RAP1GAP2: variants seen among roughly 807,000 people sequenced by gnomAD.
The protein encoded by RAP1GAP2 is RAP1 GTPase activating protein 2, also known as rap1 GTPase-activating protein 2.
In RAP1GAP2, 27 loss-of-function variants were observed where a neutral mutation model predicts 95.0. The ratio of observed to expected loss-of-function variants is 0.28; its 90% CI spans 0.21 to 0.39. The LOEUF (loss-of-function observed/expected upper bound fraction) is 0.39, where lower values mean the gene tolerates loss of function less well. Ranked by LOEUF, RAP1GAP2 falls within the 10% of genes least tolerant of loss-of-function variation. The probability of loss-of-function intolerance (pLI) is 1.00; values close to 1 mark genes in which losing one functional copy is unlikely to be tolerated. For missense variants in RAP1GAP2, 771 were observed against 970.0 expected (o/e 0.79, Z 2.72); for synonymous variants, 373 against 380.9 (o/e 0.98, Z 0.24).
At chr17:2,776,166 A>G (rs1171283647), upstream of RAP1GAP2, among the ~76,000 whole-genome samples, 5 of 148,204 alleles carry the variant, frequency 3.4e-5, no homozygotes. Context: ...GGGACAGAGC[A>G]AGACTCTGTC....
intron 2 of RAP1GAP2, among the ~76,000 whole-genome samples, chr17:2,801,038 C>A (rs1338461024): frequency 1.1e-4 from 17 of 150,732 alleles, no homozygotes; most frequent in Admixed American, 1.1e-3. Flanking sequence ...TTAGTAGAGA[C>A]GGAGTTTCAC....
At chr17:2,838,045 G>A (rs1247713576) in intron 2 of RAP1GAP2, among the ~76,000 whole-genome samples, 3 of 116,546 alleles carry the variant, frequency 2.6e-5, no homozygotes, top group Admixed American at 1.0e-4. Context: ...TTGAGACAGA[G>A]TCTCGCCTTA....
At chr17:2,800,107 A>C in intron 1 of RAP1GAP2, 1 of 799,332 alleles carries the variant, frequency 1.3e-6, no homozygotes, top group Non-Finnish European at 1.5e-6. Flanking sequence ...CCTGGCATTC[A>C]GATTGACATC....
intron 3 of RAP1GAP2, among the ~76,000 whole-genome samples, chr17:2,954,231 A>G (rs1270992898): frequency 6.6e-6 from 1 of 151,786 alleles, no homozygotes; most frequent in African/African-American, 2.4e-5. Flanking sequence ...CAGCCTCCTG[A>G]GTAGCTGGGA....
chr17:2,994,962 C>T (rs1394068832), intron 12 of RAP1GAP2, among the ~76,000 whole-genome samples: 2 of 151,526 alleles, frequency 1.3e-5, no homozygotes, highest in Admixed American at 1.3e-4. Flanking sequence ...TATAGGCATG[C>T]ACCACCATAT....
chr17:2,956,550 C>G (rs1208351668), intron 3 of RAP1GAP2, among the ~76,000 whole-genome samples: 1 of 152,214 alleles, frequency 6.6e-6, no homozygotes, highest in Non-Finnish European at 1.5e-5. Context: ...TTCCTCATCC[C>G]TGCTTTCTTT....
In RAP1GAP2 at chr17:3,014,856, C is replaced by T. The variant is rs539299340; in HGVS notation, c.1495-3205C>T. ...ACAGGCGTGAGCCATCGCCCCTGGC[C>T]GAGATGCTGAGATTTATGGAGCACT... On this transcript the variant is annotated intron_variant, in intron 17 of 24. Transcript: ENST00000254695. 2.0e-5 allele frequency among the ~76,000 whole-genome samples: 3 copies of T among 152,220 alleles called. No individual in the cohort carries two copies. The South Asian group carries it at 6.2e-4, about 32-fold the overall frequency.
Position 2,844,564 on chromosome 17 carries a change from G to A in RAP1GAP2, c.80+44014G>A, listed in dbSNP as rs572454627. 1.2e-4 allele frequency among the ~76,000 whole-genome samples: 18 copies of A among 152,306 alleles called. No homozygotes were observed. The South Asian group carries it at 3.7e-3, about 32-fold the overall frequency. ...CTGCAGTTGCTCAGCAGGAGGTTTGGAGCTCAGCTCCCGGCTGGGTGAAGC... is the reference window on the plus strand; with the variant it reads ...CTGCAGTTGCTCAGCAGGAGGTTTGAAGCTCAGCTCCCGGCTGGGTGAAGC... On this transcript the variant is annotated intron_variant, in intron 2 of 24. Transcript: ENST00000254695.
At chr17:2,977,919 C>T (rs1383866147) in intron 8 of RAP1GAP2, among the ~76,000 whole-genome samples, 1 of 152,078 alleles carries the variant, frequency 6.6e-6, no homozygotes, top group Non-Finnish European at 1.5e-5. Flanking sequence ...GTAGTCTCCT[C>T]ATATTCATGG....
intron 8 of RAP1GAP2, among the ~76,000 whole-genome samples, chr17:2,969,389 A>G (rs1213581958): frequency 1.3e-5 from 2 of 151,870 alleles, no homozygotes; most frequent in Non-Finnish European, 2.9e-5. Context: ...CCAACAAACA[A>G]AAACCAAAAC....
chr17:2,981,062 A>C (rs920792980), intron 9 of RAP1GAP2, 133 bp from the exon 10 acceptor site: 2 of 717,440 alleles, frequency 2.8e-6, no homozygotes, highest in African/African-American at 3.5e-5. Flanking sequence ...AGTGAGCAGC[A>C]GTCAGAATCC....
intron 2 of RAP1GAP2, among the ~76,000 whole-genome samples, chr17:2,900,367 C>A (rs72819279): frequency 5.3e-5 from 8 of 151,484 alleles, no homozygotes; most frequent in African/African-American, 9.7e-5. Context: ...GAGTTATAAT[C>A]ATCATCATCA....
chr17:2,837,138 A>C (rs975540405), intron 2 of RAP1GAP2, among the ~76,000 whole-genome samples: 2 of 151,714 alleles, frequency 1.3e-5, no homozygotes, highest in African/African-American at 4.9e-5. Flanking sequence ...GTAGTCCTAG[A>C]CACCCAGGAG....
Position 2,796,971 on chromosome 17 carries a change from A to G in RAP1GAP2, c.44+400A>G, listed in dbSNP as rs550166700. On this transcript the variant is annotated intron_variant, in intron 1 of 24. Transcript: ENST00000254695. This position sits in a 1 kb window ranked among gnomAD's most constrained non-coding sequence, Gnocchi z 4.7. ...GCGTGTGTGTGTGGCTGTGACTGCC[A>G]GTCCGTGTGACCGTGTGTGAGGTGT... Among the ~76,000 whole-genome samples the G allele has an allele frequency of 6.6e-6, 1 of 152,012 alleles. No individual in the cohort carries two copies. Among genetic ancestry groups the G allele is most frequent in the Admixed American group, 6.6e-5 (1 of 15,262 alleles).
intron 2 of RAP1GAP2, among the ~76,000 whole-genome samples, chr17:2,882,119 CTT>C (rs1182195871): frequency 1.9e-4 from 25 of 131,758 alleles, no homozygotes; most frequent in Admixed American, 4.7e-4. Context: ...TGTGCCTGGC[CTT>C]TTTTTTTTTT....
intron 19 of RAP1GAP2, 84 bp from the exon 20 acceptor site, chr17:3,025,924 G>T (rs568001852): frequency 1.9e-6 from 2 of 1,039,076 alleles, no homozygotes; most frequent in Non-Finnish European, 2.9e-6. Flanking sequence ...TCACCGTGCC[G>T]AGAGAGGCTC....
intron 1 of RAP1GAP2, among the ~76,000 whole-genome samples, chr17:2,778,401 G>C (rs2068557510): frequency 6.6e-6 from 1 of 152,110 alleles, no homozygotes; most frequent in Non-Finnish European, 1.5e-5. Flanking sequence ...GCTTGGGTAG[G>C]GTCGGGGCTG....
Position 2,963,098 on chromosome 17 carries a change from C to T in RAP1GAP2, c.247-332C>T, listed in dbSNP as rs990734414. 3.2e-5 allele frequency: 17 copies of T among 535,678 alleles called. No homozygotes were observed. Among genetic ancestry groups the T allele is most frequent in the East Asian group, 6.6e-5 (2 of 30,298 alleles). 33.2% of individuals were successfully genotyped at this position (535,678 alleles called of 1,614,324 possible). Reference sequence around the variant, plus strand: ...GCCGCTTATCACTTGGAGGTCAGTCCGCCTGCCTGGAAAGGGGTGCTGGGG... The same window carrying T: ...GCCGCTTATCACTTGGAGGTCAGTCTGCCTGCCTGGAAAGGGGTGCTGGGG... On this transcript the variant is annotated intron_variant, in intron 5 of 24. Coordinates refer to ENST00000254695, the MANE Select transcript of RAP1GAP2 (RefSeq NM_015085.5). The surrounding 1 kb of genome is among the most constrained non-coding windows in gnomAD (Gnocchi z 4.8).
At chr17:2,911,698 A>C (rs1393471464) in intron 3 of RAP1GAP2, among the ~76,000 whole-genome samples, 1 of 4,692 alleles carries the variant, frequency 2.1e-4, no homozygotes, top group Admixed American at 2.7e-3. Context: ...GTGGGGTGGG[A>C]TGGGGCGGGG....
Sources: allele counts gnomAD v4.1 joint callset (sites outside exome capture counted in the v4.1 genomes callset), GRCh38; gene constraint gnomAD v4.1.1; non-coding constraint Gnocchi (gnomAD v3.1); transcripts MANE v1.5; gene names NCBI Gene and HGNC (gene_info 2026-07-23, HGNC 2026-07-21).